Variants in TMPRSS4 observed in about 807,000 individuals in gnomAD.
The protein encoded by TMPRSS4 is transmembrane protease serine 4.
TMPRSS4 carries 45 observed loss-of-function variants against 56.4 expected under a neutral mutation model. That is an observed-to-expected ratio of 0.80 (90% CI 0.63 to 1.02). The LOEUF (loss-of-function observed/expected upper bound fraction) is 1.02. Ranked by LOEUF, TMPRSS4 falls within the 50% of genes least tolerant of loss-of-function variation. The pLI, the probability that TMPRSS4 is intolerant of heterozygous loss-of-function variation, is 0.00. For synonymous variants in TMPRSS4, 205 were observed against 211.0 expected, an observed-to-expected ratio of 0.97 and a Z score of 0.25; for missense variants, 546 against 556.7, an observed-to-expected ratio of 0.98 and a Z score of 0.19.
chr11:118,097,004 GAAA>G lies in TMPRSS4; in HGVS notation c.44-1980_44-1978del, dbSNP rs1565423511. 4.0e-5 allele frequency among the ~76,000 whole-genome samples: 4 copies of G among 100,308 alleles called. 1 individual carries two copies. The highest frequency in any genetic ancestry group is 1.6e-4 in the African/African-American group (4 of 25,624). 65.8% of individuals were successfully genotyped at this position (100,308 alleles called of 152,430 possible). A position where few individuals can be genotyped will look rare whatever the true frequency, so the allele number is the denominator to read the frequency against. On this transcript the variant is annotated intron_variant, in intron 2 of 12. Coordinates refer to ENST00000437212, the MANE Select transcript of TMPRSS4 (RefSeq NM_019894.4). ...AGAAAGAAAGAAAGAAAGAAAGAAA[GAAA>G]GAAAGAAAGAAAGAAAGAAAGAAAG...
At chr11:118,096,850 A>AGAAG (rs1251560007) in intron 2 of TMPRSS4, among the ~76,000 whole-genome samples, 7 of 17,126 alleles carry the variant, frequency 4.1e-4, no homozygotes, top group African/African-American at 2.0e-3. Flanking sequence ...AAAGAAGGAA[A>AGAAG]GAAAGAAAGA....
intron 3 of TMPRSS4, among the ~76,000 whole-genome samples, chr11:118,100,538 G>A (rs961338989): frequency 6.6e-6 from 1 of 152,102 alleles, no homozygotes; most frequent in Non-Finnish European, 1.5e-5. Context: ...TTTCCATCTC[G>A]TGGCGGTGGA....
At chr11:118,084,561 T>C (rs925817949) in intron 1 of TMPRSS4, among the ~76,000 whole-genome samples, 2 of 152,222 alleles carry the variant, frequency 1.3e-5, no homozygotes, top group African/African-American at 4.8e-5. Flanking sequence ...TGGTTATCAC[T>C]GGGGCCTCCA....
In TMPRSS4 at chr11:118,111,741, C is replaced by A; in HGVS notation, c.584C>A (p.Ala195Asp). The change falls in exon 8 of 13, where the codon GCC (alanine) becomes GAC (aspartate). Residue 195 changes from alanine to aspartate, a missense_variant and splice_region_variant. Transcript: ENST00000437212. ...CCTCCCTGCCTCTGCCTGTGTCCAG[C>A]CTGTGGGAAGAGCCTGAAGACCCCC... ...SGSLVSLHCL[A>D]CGKSLKTPRV... is the part of the protein sequence containing the mutation. 1 of 1,572,456 alleles carries A rather than the reference C, an allele frequency of 6.4e-7. No individual in the cohort carries two copies.
At chr11:118,122,265 A>G (rs1318951563), downstream of TMPRSS4, among the ~76,000 whole-genome samples, 6 of 152,370 alleles carry the variant, frequency 3.9e-5, no homozygotes, top group East Asian at 1.2e-3. Context: ...AGATCAAGCT[A>G]TATGTTATTT....
intron 9 of TMPRSS4, among the ~76,000 whole-genome samples, chr11:118,114,603 G>A (rs1465106159): frequency 6.6e-6 from 1 of 152,158 alleles, no homozygotes; most frequent in African/African-American, 2.4e-5. Context: ...TTGGCTTGGT[G>A]TCTGAGAGTC....
intron 3 of TMPRSS4, among the ~76,000 whole-genome samples, chr11:118,101,430 G>C (rs553006702): frequency 1.3e-5 from 2 of 152,104 alleles, no homozygotes; most frequent in Admixed American, 1.3e-4. Flanking sequence ...CTCCTGCCAG[G>C]GTGTTTGGCT....
chr11:118,098,958 TC>T (rs1255682531), intron 2 of TMPRSS4, 26 bp from the exon 3 acceptor site: 1 of 1,581,870 alleles, frequency 6.3e-7, no homozygotes, highest in African/African-American at 1.3e-5. Flanking sequence ...TGCATGCTCT[TC>T]CCCTCTGCCT....
At chr11:118,082,876 A>C (rs1945255077) in intron 1 of TMPRSS4, among the ~76,000 whole-genome samples, 1 of 152,206 alleles carries the variant, frequency 6.6e-6, no homozygotes. Flanking sequence ...GACCCTAAGG[A>C]AAAACCTTAG....
At chr11:118,124,536 A>T (rs912242868), downstream of TMPRSS4, among the ~76,000 whole-genome samples, 2 of 152,202 alleles carry the variant, frequency 1.3e-5, no homozygotes, top group Admixed American at 6.5e-5. Context: ...TATATTTGAA[A>T]ATTTTCTCAA....
At chr11:118,082,163 C>G (rs1350846360) in intron 1 of TMPRSS4, among the ~76,000 whole-genome samples, 2 of 152,188 alleles carry the variant, frequency 1.3e-5, no homozygotes, top group East Asian at 3.8e-4. Flanking sequence ...CCAAATGCAA[C>G]AAGGGCCCCA....
chr11:118,089,027 C>T (rs1945779417), intron 1 of TMPRSS4, among the ~76,000 whole-genome samples: 1 of 152,200 alleles, frequency 6.6e-6, no homozygotes, highest in Non-Finnish European at 1.5e-5. Flanking sequence ...CCATTCTCTC[C>T]TTTCCTTAGC....
chr11:118,102,893 G>T, intron 3 of TMPRSS4: 1 of 598,378 alleles, frequency 1.7e-6, no homozygotes, highest in East Asian at 2.9e-5. Context: ...ACATCTTGTG[G>T]GGGTGGGGCC....
chr11:118,093,310 A>C lies in TMPRSS4; in HGVS notation c.4-1506A>C, dbSNP rs561238853. On this transcript the variant is annotated intron_variant, in intron 1 of 12. Transcript: ENST00000437212. ...AGGCCCTCTCACTCCCAAGAGGAAC[A>C]GAAAAAATTTCCAGCCAGAAATGTA... Among the ~76,000 whole-genome samples the C allele has an allele frequency of 5.3e-5, 8 of 152,364 alleles. No individual in the cohort carries two copies. In the South Asian group the frequency reaches 1.2e-3, roughly 24 times the overall value.
intron 9 of TMPRSS4, among the ~76,000 whole-genome samples, chr11:118,113,684 G>A (rs1009260424): frequency 5.9e-5 from 9 of 152,114 alleles, no homozygotes; most frequent in South Asian, 4.2e-4. Context: ...GGAGCCCCTC[G>A]AGTGAGAACT....
chr11:118,099,119 G>C (rs201721067), intron 3 of TMPRSS4, 21 bp downstream of exon 3: 1 of 1,599,752 alleles, frequency 6.3e-7, no homozygotes, highest in Non-Finnish European at 8.6e-7. Flanking sequence ...GCCCGTACCC[G>C]ACTTTCACCC....
At chr11:118,117,824 G>A (rs671111) in intron 12 of TMPRSS4, 78 bp from the exon 13 acceptor site, 550,559 of 1,612,788 alleles carry the variant, frequency 0.34, 95,082 homozygotes, top group Non-Finnish European at 0.36. Flanking sequence ...AGAAAAGGAA[G>A]ACTCACGTTA....
chr11:118,118,665 C>G lies in TMPRSS4; in HGVS notation c.*752C>G. ...AGGGTGAGCAAGTTTGAGTCCCACACAGGGCCTTCTCCCTTTGCCTCTTTC... is the reference window on the plus strand; with the variant it reads ...AGGGTGAGCAAGTTTGAGTCCCACAGAGGGCCTTCTCCCTTTGCCTCTTTC... On this transcript the variant is annotated 3_prime_UTR_variant, in exon 13 of 13. Transcript: ENST00000437212. The G allele has an allele frequency of 1.0e-6, 1 of 985,932 alleles. No individual in the cohort carries two copies. The highest frequency in any genetic ancestry group is 1.2e-6 in the Non-Finnish European group (1 of 830,344). The allele number at this position is 985,932 out of a possible 1,614,324, so 61.1% of individuals were successfully genotyped here. A position where few individuals can be genotyped will look rare whatever the true frequency, so the allele number is the denominator to read the frequency against.
intron 7 of TMPRSS4, 62 bp from the exon 8 acceptor site, chr11:118,111,679 G>T: frequency 7.0e-7 from 1 of 1,430,010 alleles, no homozygotes; most frequent in South Asian, 1.5e-5. Flanking sequence ...GTGCTGAGTG[G>T]AGGCAGCCTC....
Sources: gnomAD v4.1 joint callset for allele counts (sites outside exome capture counted in the v4.1 genomes callset) on GRCh38, gnomAD v4.1.1 for gene constraint, MANE v1.5 for transcripts, NCBI Gene and HGNC (gene_info 2026-07-23, HGNC 2026-07-21) for gene names.